Variants in UBE2G1 observed in about 807,000 individuals in gnomAD.
The protein encoded by UBE2G1 is ubiquitin conjugating enzyme E2 G1, also known as ubiquitin-conjugating enzyme E2 G1.
A neutral mutation model predicts 22.7 loss-of-function variants in UBE2G1; 5 were observed. That is an observed-to-expected ratio of 0.22 (90% CI 0.12 to 0.46). The LOEUF (loss-of-function observed/expected upper bound fraction) is 0.46, where lower values mean the gene tolerates loss of function less well. UBE2G1 is among the 20% of genes least tolerant of loss of function. The pLI, the probability that UBE2G1 is intolerant of heterozygous loss-of-function variation, is 0.99. For synonymous variants in UBE2G1, 74 were observed against 67.5 expected (o/e 1.10, Z -0.47); for missense variants, 88 against 203.9 (o/e 0.43, Z 3.46).
chr17:4,309,946 C>G (rs1223019618), intron 1 of UBE2G1, among the ~76,000 whole-genome samples: 1 of 152,170 alleles, frequency 6.6e-6, no homozygotes, highest in Non-Finnish European at 1.5e-5. Flanking sequence ...CCATTCTTTC[C>G]ATGCATTTCT....
intron 5 of UBE2G1, among the ~76,000 whole-genome samples, chr17:4,281,418 A>G (rs1410494457): frequency 6.6e-6 from 1 of 152,238 alleles, no homozygotes; most frequent in Non-Finnish European, 1.5e-5. Flanking sequence ...GACAGAAGAA[A>G]GCAGCGGAGT....
chr17:4,307,804 T>C (rs1008911614), intron 1 of UBE2G1, among the ~76,000 whole-genome samples: 12 of 152,020 alleles, frequency 7.9e-5, no homozygotes, highest in Non-Finnish European at 1.8e-4. Flanking sequence ...TCTCCTCCTC[T>C]AAAGAGAGTG....
At position 4,289,353 on chromosome 17, in the gene UBE2G1, C is replaced by T. The variant is rs762765268; in HGVS notation, c.303G>A (p.Lys101=). 3 of 1,595,890 alleles carry T rather than the reference C, an allele frequency of 1.9e-6. No individual in the cohort carries two copies. The highest frequency in any genetic ancestry group is 2.3e-5 in the East Asian group (1 of 43,602). Residue 101 remains lysine (K), a synonymous_variant, in exon 4 of 6, where the codon AAG becomes AAA. Coordinates refer to ENST00000396981, the MANE Select transcript of UBE2G1 (RefSeq NM_003342.5). ...ISILHEPGED[K]YGYEKPEERW... ...GTTCCTCTGGCTTTTCATAACCATA[C>T]TTATCTTCCCCAGGCTCATGAAGAA... is the stretch of plus-strand genomic sequence containing the variant.
intron 3 of UBE2G1, among the ~76,000 whole-genome samples, chr17:4,292,178 T>G (rs1388334394): frequency 6.6e-6 from 1 of 151,740 alleles, no homozygotes; most frequent in Non-Finnish European, 1.5e-5. Flanking sequence ...ATACAAGAAT[T>G]AGCCGGGCTT....
At chr17:4,357,093 T>C (rs1043305739) in intron 1 of UBE2G1, among the ~76,000 whole-genome samples, 4 of 152,010 alleles carry the variant, frequency 2.6e-5, no homozygotes, top group Admixed American at 6.6e-5. Flanking sequence ...TTTCAATTAC[T>C]TGTGGTCAAG....
intron 1 of UBE2G1, among the ~76,000 whole-genome samples, chr17:4,357,359 T>C (rs1441588013): frequency 5.9e-5 from 9 of 151,804 alleles, no homozygotes. Flanking sequence ...AATCCTATCA[T>C]AGGTATGCAT....
At chr17:4,352,816 T>C (rs1181209545) in intron 1 of UBE2G1, among the ~76,000 whole-genome samples, 1 of 152,192 alleles carries the variant, frequency 6.6e-6, no homozygotes, top group Non-Finnish European at 1.5e-5. Context: ...GGCTCACCCC[T>C]GTAATCCCAG....
chr17:4,277,898 G>A (rs953337418), intron 5 of UBE2G1, among the ~76,000 whole-genome samples: 1 of 152,100 alleles, frequency 6.6e-6, no homozygotes, highest in Non-Finnish European at 1.5e-5. Context: ...CCGGCCTTGG[G>A]GAAACAGGTA....
intron 1 of UBE2G1, among the ~76,000 whole-genome samples, chr17:4,343,625 G>A (rs1284627387): frequency 2.0e-5 from 3 of 150,746 alleles, no homozygotes; most frequent in Non-Finnish European, 2.9e-5. Context: ...GTCTCGCTCT[G>A]TCGCCCAGGC....
intron 1 of UBE2G1, among the ~76,000 whole-genome samples, chr17:4,338,216 GGGGAAAAAAAACA>G (rs1969672041): frequency 6.7e-6 from 1 of 150,300 alleles, no homozygotes; most frequent in Non-Finnish European, 1.5e-5. Flanking sequence ...TTTGATGGGA[GGGGAAAAAAAACA>G]GACAAACTAT....
chr17:4,301,724 T>C, intron 2 of UBE2G1: 3 of 666,150 alleles, frequency 4.5e-6, no homozygotes, highest in South Asian at 4.1e-5. Flanking sequence ...AAGACTTGTG[T>C]TTGGATTGGT....
chr17:4,274,432 C>T (rs1433927035), intron 5 of UBE2G1, among the ~76,000 whole-genome samples: 3 of 152,020 alleles, frequency 2.0e-5, no homozygotes, highest in Non-Finnish European at 4.4e-5. Context: ...CTTCTGACCT[C>T]GTGATCTGCC....
chr17:4,313,777 T>C (rs1969337772), intron 1 of UBE2G1, among the ~76,000 whole-genome samples: 2 of 152,126 alleles, frequency 1.3e-5, no homozygotes, highest in African/African-American at 2.4e-5. Flanking sequence ...TTTTTAAAAC[T>C]CAGTAAATCC....
Position 4,330,678 on chromosome 17 carries a change from G to A in UBE2G1, c.47-23555C>T, listed in dbSNP as rs188079300. On this transcript the variant is annotated intron_variant, in intron 1 of 5. Transcript: ENST00000396981. ...CTTGAACCCAGGAGGCGGAGGTTGC[G>A]GTGAGCCAAGATCGCACCATTGCGC... 1.2e-3 allele frequency among the ~76,000 whole-genome samples: 182 copies of A among 152,008 alleles called. 1 individual carries two copies. Among genetic ancestry groups the A allele is most frequent in the Admixed American group, 2.1e-3 (32 of 15,258 alleles).
chr17:4,354,254 A>G (rs1047017234), intron 1 of UBE2G1, among the ~76,000 whole-genome samples: 12 of 152,166 alleles, frequency 7.9e-5, no homozygotes, highest in Non-Finnish European at 1.5e-4. Flanking sequence ...TTTTTCTGTA[A>G]TAACAACCCT....
chr17:4,307,642 G>A (rs1221344977), intron 1 of UBE2G1, among the ~76,000 whole-genome samples: 1 of 152,216 alleles, frequency 6.6e-6, no homozygotes, highest in Non-Finnish European at 1.5e-5. Context: ...GGGTGCTCCT[G>A]TGTGCCCATC....
intron 1 of UBE2G1, among the ~76,000 whole-genome samples, chr17:4,334,295 A>T (rs1193602405): frequency 6.6e-6 from 1 of 152,168 alleles, no homozygotes; most frequent in Non-Finnish European, 1.5e-5. Flanking sequence ...TTTGGGAAAA[A>T]GTCATTGAAC....
chr17:4,298,936 GAGTGCATTACACCAAAAAGAGTT>G (rs1969142113), intron 2 of UBE2G1, among the ~76,000 whole-genome samples: 1 of 152,216 alleles, frequency 6.6e-6, no homozygotes, highest in Non-Finnish European at 1.5e-5. Context: ...CTGTTGTGAA[GAGTGCATTACACCAAAAAGAGTT>G]AAGTCTTTAT....
At chr17:4,335,476 G>C (rs1969635326) in intron 1 of UBE2G1, among the ~76,000 whole-genome samples, 1 of 152,168 alleles carries the variant, frequency 6.6e-6, no homozygotes, top group African/African-American at 2.4e-5. Context: ...CACGTTGCTT[G>C]TGAAAGCCAC....
Sources: gnomAD v4.1 joint callset for allele counts (sites outside exome capture counted in the v4.1 genomes callset) on GRCh38, gnomAD v4.1.1 for gene constraint, MANE v1.5 for transcripts, NCBI Gene and HGNC (gene_info 2026-07-23, HGNC 2026-07-21) for gene names.